PLEC: variants seen among roughly 807,000 people sequenced by gnomAD.
PLEC encodes the protein hemidesmosomal protein 1.
Under a neutral mutation model 392.8 loss-of-function variants are expected in PLEC, and 216 were observed. The ratio of observed to expected loss-of-function variants is 0.55; its 90% confidence interval spans 0.49 to 0.62. PLEC has a LOEUF of 0.62. Ranked by LOEUF, PLEC falls within the 20% of genes least tolerant of loss-of-function variation. PLEC has a pLI of 0.00. For missense variants in PLEC, 6,863 were observed against 6,563.4 expected (o/e 1.05, Z -1.58); for synonymous variants, 3,621 against 2,980.6 (o/e 1.21, Z -7.00).
Position 143,926,966 on chromosome 8 carries a change from C to G in PLEC, c.3945+11G>C, listed in dbSNP as rs1554706282. 1 of 1,610,648 alleles carries G rather than the reference C, an allele frequency of 6.2e-7. No homozygotes were observed. The highest frequency in any genetic ancestry group is 2.2e-5 in the East Asian group (1 of 44,872). On this transcript the variant is annotated intron_variant, in intron 29 of 31. Coordinates refer to ENST00000345136, the MANE Select transcript of PLEC (RefSeq NM_201384.3). ...CAGCCCCTCACCCAGTTAGGTTCGG[C>G]CCCACCCTACCTCCTGGATGACACT...
intron 17 of PLEC, 48 bp from the exon 18 acceptor site, chr8:143,932,080 G>C (rs781866063): frequency 1.2e-5 from 19 of 1,558,638 alleles, no homozygotes; most frequent in Non-Finnish European, 1.5e-5. Flanking sequence ...CCCGCCTGGG[G>C]ACCCGGCACG....
intron 12 of PLEC, 41 bp from the exon 13 acceptor site, chr8:143,933,392 C>G (rs1438528544): frequency 6.2e-7 from 1 of 1,602,656 alleles, no homozygotes; most frequent in African/African-American, 1.3e-5. Flanking sequence ...AGCTGATCCC[C>G]CTCTGACCTC....
At position 143,923,456 on chromosome 8, in the gene PLEC, C is replaced by T. The variant is rs782196935; in HGVS notation, c.6473G>A (p.Arg2158Gln). 64 of 1,607,700 alleles carry T rather than the reference C, an allele frequency of 4.0e-5. No individual in the cohort carries two copies. The highest frequency in any genetic ancestry group is 1.0e-4 in the Admixed American group (6 of 59,958). The change falls in exon 31 of 32, where the codon CGG (arginine) becomes CAG (glutamine). Residue 2158 changes from arginine (R) to glutamine (Q), a missense_variant. Arg to Gln is a conservative substitution (Grantham distance 43, BLOSUM62 1). Coordinates refer to ENST00000345136, the MANE Select transcript of PLEC (RefSeq NM_201384.3). Reference protein sequence around the residue: ...RRAQAEQAALRQKQAADAEME... With the variant: ...RRAQAEQAALQQKQAADAEME... ...CTCCGCGTCAGCTGCCTGCTTCTGC[C>T]GCAGGGCCGCCTGCTCCGCCTGTGC... is the stretch of plus-strand genomic sequence containing the variant.
rs767122018 is a variant in PLEC at position 143,916,659 on chromosome 8, G to A, written c.13162C>T (p.Leu4388=). The change falls in exon 32 of 32, where the codon CTG becomes TTG. Residue 4388 remains leucine (L), a synonymous_variant. Coordinates refer to ENST00000345136, the MANE Select transcript of PLEC (RefSeq NM_201384.3). ...CCGCCGGTCAGGTACTGCACCTCCAGGAAGCGCTGGCCGGCCTCGTAGTAG... is the reference window on the plus strand; with the variant it reads ...CCGCCGGTCAGGTACTGCACCTCCAAGAAGCGCTGGCCGGCCTCGTAGTAG... The part of the protein sequence containing the change: ...WLYYEAGQRF[L]EVQYLTGGLI... 5.6e-6 allele frequency: 9 copies of A among 1,611,178 alleles called. No homozygotes were observed. Among genetic ancestry groups the A allele is most frequent in the East Asian group, 2.2e-5 (1 of 44,844 alleles).
upstream of PLEC, chr8:143,939,600 T>C (rs1830035577): frequency 6.7e-7 from 1 of 1,490,362 alleles, no homozygotes; most frequent in Non-Finnish European, 8.9e-7. Flanking sequence ...AGAGCCCCAG[T>C]CGGTGCGGCC....
rs1186944515 is a variant in PLEC, at chr8:143,916,329, G to A, written c.13492C>T (p.Arg4498Trp). ...GSRTGSRTGS[R>W]AGSRRGSFDA... ...AAGCTGCCGCGGCGGGAGCCGGCCCGGGAGCCGGTGCGCGAGCCGGTGCGG... is the reference window on the plus strand; with the variant it reads ...AAGCTGCCGCGGCGGGAGCCGGCCCAGGAGCCGGTGCGCGAGCCGGTGCGG... The change falls in exon 32 of 32, where the codon CGG (arginine) becomes TGG (tryptophan). Residue 4498 changes from arginine to tryptophan, a missense_variant. Transcript: ENST00000345136. 27 of 1,593,362 alleles carry A rather than the reference G, an allele frequency of 1.7e-5. No homozygotes were observed. Among genetic ancestry groups the A allele is most frequent in the East Asian group, 2.3e-5 (1 of 43,946 alleles).
chr8:143,927,316 T>C lies in PLEC; in HGVS notation c.3776A>G (p.Glu1259Gly), dbSNP rs1554707083. ...CTCCTCGACCTTCTCGCCGTGGCGC[T>C]CGATCTCCTCCAGCAGGGCCTGGGT... The part of the protein sequence containing the change: ...RQEQALLEEI[E>G]RHGEKVEECQ... The change falls in exon 28 of 32, where the codon GAG (glutamate) becomes GGG (glycine). Residue 1259 changes from glutamate (E) to glycine (G), a missense_variant. Glu to Gly is a moderately conservative substitution (Grantham distance 98). Transcript: ENST00000345136. 1 of 1,613,150 alleles carries C rather than the reference T, an allele frequency of 6.2e-7. No individual in the cohort carries two copies. The highest frequency in any genetic ancestry group is 1.7e-5 in the Admixed American group (1 of 60,030).
At chr8:143,947,779 T>C (rs1831672754) in intron 1 of PLEC, among the ~76,000 whole-genome samples, 1 of 152,092 alleles carries the variant, frequency 6.6e-6, no homozygotes, top group East Asian at 1.9e-4. Flanking sequence ...AAATGAAACG[T>C]AAATGAAACT....
chr8:143,942,644 C>CA (rs1830720267), upstream of PLEC: 1 of 1,176,384 alleles, frequency 8.5e-7, no homozygotes, highest in Non-Finnish European at 1.1e-6. Flanking sequence ...ACCTCCCCCC[C>CA]ACAATCCGCC....
upstream of PLEC, among the ~76,000 whole-genome samples, chr8:143,953,477 T>C (rs1245179503): frequency 7.6e-5 from 11 of 145,660 alleles, no homozygotes; most frequent in Admixed American, 1.3e-4. Flanking sequence ...CCGCCGCCGC[T>C]GCAGCAGCCA....
In PLEC at chr8:143,939,504, A is replaced by G. The variant is rs370455463; in HGVS notation, c.-43T>C. On this transcript the variant is annotated 5_prime_UTR_variant, in exon 1 of 32. Transcript: ENST00000345136. ...GTCGCCCGGACCCTCGGCCTCAGGC[A>G]CGGTGCTCTGGGCAGCCCCGTGTGG... is the stretch of plus-strand genomic sequence containing the variant. 44 of 1,582,374 alleles carry G rather than the reference A, an allele frequency of 2.8e-5. No homozygotes were observed. The highest frequency in any genetic ancestry group is 3.7e-5 in the Non-Finnish European group (43 of 1,165,316).
upstream of PLEC, among the ~76,000 whole-genome samples, chr8:143,957,959 C>T (rs1447862782): frequency 6.6e-6 from 1 of 152,184 alleles, no homozygotes; most frequent in Non-Finnish European, 1.5e-5. Context: ...CACCTGGGGC[C>T]CCCGACAATA....
intron 30 of PLEC, 114 bp downstream of exon 30, chr8:143,926,670 G>A: frequency 1.1e-6 from 1 of 884,198 alleles, no homozygotes; most frequent in Non-Finnish European, 1.9e-6. Flanking sequence ...GCGCCAGTGG[G>A]GAGAGTGGGG....
chr8:143,967,789 G>T (rs1554742757), intron 1 of PLEC, among the ~76,000 whole-genome samples: 1 of 151,862 alleles, frequency 6.6e-6, no homozygotes, highest in African/African-American at 2.4e-5. Flanking sequence ...CAAAAGAAAA[G>T]GTGCAAATAG....
Position 143,925,148 on chromosome 8 carries a change from C to G in PLEC, c.4781G>C (p.Arg1594Pro), listed in dbSNP as rs564954644. The G allele has an allele frequency of 1.9e-5, 30 of 1,558,264 alleles. No individual in the cohort carries two copies. Among genetic ancestry groups the G allele is most frequent in the Non-Finnish European group, 2.6e-5 (30 of 1,160,014 alleles). ...SFAEKTAQLE[R>P]SLQEEHVAVA... ...AGCCACGTGTTCCTCCTGCAGGGAG[C>G]GCTCCAGCTGTGCCGTCTTCTCGGC... Residue 1594 changes from arginine (R) to proline (P), a missense_variant, in exon 31 of 32, where the codon CGC (arginine) becomes CCC (proline). Coordinates refer to ENST00000345136, the MANE Select transcript of PLEC (RefSeq NM_201384.3).
chr8:143,972,238 C>G (rs1833465229), intron 1 of PLEC, among the ~76,000 whole-genome samples: 1 of 152,238 alleles, frequency 6.6e-6, no homozygotes, highest in African/African-American at 2.4e-5. Flanking sequence ...CCTCCGGGTG[C>G]TCCCTCTAAG....
rs782213152 is a variant in PLEC at position 143,932,137 on chromosome 8, G to A, written c.2075C>T (p.Thr692Met). Residue 692 changes from threonine to methionine, a missense_variant, in exon 17 of 32, where the codon ACG becomes ATG. Transcript: ENST00000345136. Reference protein sequence around the residue: ...LLREDHPARPTVESFQAALQT... With the variant: ...LLREDHPARPMVESFQAALQT... Reference sequence around the variant, plus strand: ...CTACCCAGGGAGCCCCACCTCCACCGTGGGCCGGGCCGGGTGGTCCTCCCG... The same window carrying A: ...CTACCCAGGGAGCCCCACCTCCACCATGGGCCGGGCCGGGTGGTCCTCCCG... 7 of 1,605,922 alleles carry A rather than the reference G, an allele frequency of 4.4e-6. No homozygotes were observed. The highest frequency in any genetic ancestry group is 1.7e-5 in the Admixed American group (1 of 59,814).
chr8:143,949,512 T>C (rs1293756237), intron 1 of PLEC, among the ~76,000 whole-genome samples: 1 of 152,144 alleles, frequency 6.6e-6, no homozygotes, highest in Non-Finnish European at 1.5e-5. Context: ...CGTCCTGTCC[T>C]GTGCGACCTG....
intron 1 of PLEC, among the ~76,000 whole-genome samples, chr8:143,947,682 G>A (rs777992942): frequency 9.9e-5 from 15 of 152,272 alleles, no homozygotes; most frequent in South Asian, 6.2e-4. Flanking sequence ...CCCGGGAGGC[G>A]GAGGTTGCAG....
Sources: gnomAD v4.1 joint callset for allele counts (sites outside exome capture counted in the v4.1 genomes callset) on GRCh38, gnomAD v4.1.1 for gene constraint, MANE v1.5 for transcripts, NCBI Gene and HGNC (gene_info 2026-07-23, HGNC 2026-07-21) for gene names.